The following RARB variants were observed in gnomAD, a reference collection of about 807,000 sequenced individuals.
RARB encodes the protein HBV-activated protein.
Under a neutral mutation model 51.9 loss-of-function variants are expected in RARB, and 17 were observed. The ratio of observed to expected loss-of-function variants is 0.33; its 90% CI spans 0.22 to 0.49. The LOEUF (loss-of-function observed/expected upper bound fraction) is 0.49. Among genes scored for constraint, RARB ranks in the 20% least tolerant of loss-of-function variants. The pLI is 0.99. For synonymous variants in RARB, 215 were observed against 195.4 expected (o/e 1.10, Z -0.84); for missense variants, 369 against 550.8 (o/e 0.67, Z 3.30).
At chr3:25,046,732 G>C (rs1384373245) in intron 2 of RARB, among the ~76,000 whole-genome samples, 1 of 152,104 alleles carries the variant, frequency 6.6e-6, no homozygotes, top group Non-Finnish European at 1.5e-5. Flanking sequence ...TGGCATTACA[G>C]GCATGAACCA....
chr3:25,108,057 G>A (rs887386406), intron 3 of RARB, among the ~76,000 whole-genome samples: 3 of 152,060 alleles, frequency 2.0e-5, no homozygotes, highest in East Asian at 1.9e-4. Flanking sequence ...TGATCACCGA[G>A]CTCTATTAAA....
intron 1 of RARB, among the ~76,000 whole-genome samples, chr3:25,449,441 G>C (rs1302303793): frequency 6.6e-6 from 1 of 151,952 alleles, no homozygotes; most frequent in African/African-American, 2.4e-5. Context: ...TTTTACTTTT[G>C]TTCTTTATGC....
At chr3:25,399,995 A>G (rs2125493593) in intron 5 of RARB, among the ~76,000 whole-genome samples, 1 of 152,296 alleles carries the variant, frequency 6.6e-6, no homozygotes, top group South Asian at 2.1e-4. Context: ...AATAAGACTT[A>G]CCTCTGAGGA....
chr3:25,221,888 A>G (rs1056002250), intron 5 of RARB, among the ~76,000 whole-genome samples: 1 of 152,168 alleles, frequency 6.6e-6, no homozygotes, highest in African/African-American at 2.4e-5. Context: ...GGGTACAGCA[A>G]TAAATCATAT....
chr3:25,575,535 C>G (rs903973214), intron 4 of RARB, among the ~76,000 whole-genome samples: 1 of 152,168 alleles, frequency 6.6e-6, no homozygotes, highest in African/African-American at 2.4e-5. Context: ...GGAGAGAGCC[C>G]TTTCTTGCCT....
At chr3:25,472,226 A>G (rs1288584185) in intron 2 of RARB, among the ~76,000 whole-genome samples, 1 of 152,186 alleles carries the variant, frequency 6.6e-6, no homozygotes, top group Non-Finnish European at 1.5e-5. Context: ...CACAGTGATT[A>G]GGACTCCTGC....
rs1702127192 is a variant in RARB, at chr3:25,229,440, GCT to G, written c.178+54870_178+54871del. On this transcript the variant is annotated intron_variant, in intron 5 of 11. Transcript: ENST00000383772. ...TCTCAAATTGACGGTAGGCAGTACA[GCT>G]CTCTGTAAACTACCACCATTTGCAA... Among the ~76,000 whole-genome samples, 4 of 152,098 alleles carry G rather than the reference GCT, an allele frequency of 2.6e-5. No individual in the cohort carries two copies. In the South Asian group the frequency reaches 8.3e-4, roughly 32 times the overall value.
In RARB at chr3:25,203,133, A is replaced by G. The variant is rs905494178; in HGVS notation, c.178+28558A>G. Among the ~76,000 whole-genome samples, 12 of 152,326 alleles carry G rather than the reference A, an allele frequency of 7.9e-5. No homozygotes were observed. The East Asian group carries it at 2.3e-3, about 29-fold the overall frequency. ...AGGTGCTCCTGTATTGGGTGCATATATATTTAGGATAGTTAGCTCTTCTTG... is the reference window on the plus strand; with the variant it reads ...AGGTGCTCCTGTATTGGGTGCATATGTATTTAGGATAGTTAGCTCTTCTTG... On this transcript the variant is annotated intron_variant, in intron 5 of 11. Coordinates refer to the RARB transcript ENST00000383772.
chr3:25,541,081 C>G (rs1266651942), intron 3 of RARB, among the ~76,000 whole-genome samples: 2 of 152,214 alleles, frequency 1.3e-5, no homozygotes, highest in Non-Finnish European at 2.9e-5. Flanking sequence ...TGGAACACAA[C>G]CATGCCTATT....
chr3:24,880,634 G>A (rs990120397), intron 2 of RARB, among the ~76,000 whole-genome samples: 1 of 152,196 alleles, frequency 6.6e-6, no homozygotes, highest in African/African-American at 2.4e-5. Context: ...TTCATGAGGT[G>A]TCACCTATAT....
At chr3:25,257,252 G>T (rs978196038) in intron 5 of RARB, among the ~76,000 whole-genome samples, 1 of 152,080 alleles carries the variant, frequency 6.6e-6, no homozygotes. Context: ...GGAGGAGTGT[G>T]CTCCATTCCG....
intron 4 of RARB, among the ~76,000 whole-genome samples, chr3:25,173,500 A>C (rs78176254): frequency 0.02 from 3,091 of 152,264 alleles, 96 homozygotes; most frequent in African/African-American, 0.066. Context: ...ATATTTTACT[A>C]TCTCTCTCAT....
chr3:25,372,221 T>C (rs1024110187), intron 5 of RARB, among the ~76,000 whole-genome samples: 4 of 152,242 alleles, frequency 2.6e-5, no homozygotes, highest in Admixed American at 1.3e-4. Context: ...CTTGGCACTA[T>C]TGGCATTTCA....
intron 2 of RARB, among the ~76,000 whole-genome samples, chr3:24,992,292 T>C (rs746692461): frequency 1.4e-4 from 21 of 152,214 alleles, no homozygotes; most frequent in Non-Finnish European, 2.4e-4. Context: ...GTTTGACATA[T>C]GTTTCTTTTC....
chr3:24,956,506 A>G (rs1193950827), intron 2 of RARB, among the ~76,000 whole-genome samples: 1 of 152,148 alleles, frequency 6.6e-6, no homozygotes, highest in African/African-American at 2.4e-5. Context: ...GTGAAGTACA[A>G]ACATTCTGCC....
intron 5 of RARB, among the ~76,000 whole-genome samples, chr3:25,416,336 C>T (rs973930052): frequency 3.3e-5 from 5 of 152,182 alleles, no homozygotes; most frequent in African/African-American, 9.7e-5. Flanking sequence ...CTGTAGAGAG[C>T]CAAGATTGCA....
intron 4 of RARB, among the ~76,000 whole-genome samples, chr3:25,153,061 C>T (rs1700316755): frequency 6.6e-6 from 1 of 152,178 alleles, no homozygotes; most frequent in South Asian, 2.1e-4. Flanking sequence ...AAGCACTCTT[C>T]ATTACTACTT....
intron 2 of RARB, among the ~76,000 whole-genome samples, chr3:24,902,814 A>C (rs1331957446): frequency 2.0e-5 from 3 of 152,214 alleles, no homozygotes; most frequent in Non-Finnish European, 4.4e-5. Context: ...TGGCTTTGCC[A>C]ATCTGGTTAT....
At position 25,138,731 on chromosome 3, in the gene RARB, A is replaced by G. The variant is rs77275915; in HGVS notation, c.-280+6523A>G. Among the ~76,000 whole-genome samples, 1,048 of 152,166 alleles carry G rather than the reference A, an allele frequency of 6.9e-3. 4 individuals are homozygous for G. Among genetic ancestry groups the G allele is most frequent in the Non-Finnish European group, 0.011 (768 of 67,990 alleles). On this transcript the variant is annotated intron_variant, in intron 4 of 11. Transcript: ENST00000383772. Reference sequence around the variant, plus strand: ...AACCACATATAAGCAAAAGAGTGAAACTGTTAGTTTCAATTTTAACTTGAC... The same window carrying G: ...AACCACATATAAGCAAAAGAGTGAAGCTGTTAGTTTCAATTTTAACTTGAC...
Sources: allele counts gnomAD v4.1 joint callset (sites outside exome capture counted in the v4.1 genomes callset), GRCh38; gene constraint gnomAD v4.1.1; transcripts MANE v1.5; gene names NCBI Gene and HGNC (gene_info 2026-07-23, HGNC 2026-07-21).